PTPRB: variants seen among roughly 807,000 people sequenced by gnomAD.
The protein encoded by PTPRB is receptor-type tyrosine-protein phosphatase beta.
A neutral mutation model predicts 238.1 loss-of-function variants in PTPRB; 97 were observed. That is an observed-to-expected ratio of 0.41 (90% CI 0.35 to 0.48). The LOEUF (loss-of-function observed/expected upper bound fraction) is 0.48. PTPRB is among the 20% of genes least tolerant of loss of function. PTPRB has a pLI of 0.30. For synonymous variants in PTPRB, 970 were observed against 995.4 expected (o/e 0.97, Z 0.48); for missense variants, 2,292 against 2,681.9 (o/e 0.85, Z 3.21).
chr12:70,621,949 T>C (rs1884956650), intron 3 of PTPRB, among the ~76,000 whole-genome samples: 1 of 152,258 alleles, frequency 6.6e-6, no homozygotes, highest in Non-Finnish European at 1.5e-5. Flanking sequence ...CTTTTGTTTA[T>C]CTTTTAATGT....
intron 4 of PTPRB, among the ~76,000 whole-genome samples, chr12:70,607,552 T>TC (rs1884055269): frequency 6.7e-6 from 1 of 149,542 alleles, no homozygotes; most frequent in Non-Finnish European, 1.5e-5. Context: ...CCTTTTCTTT[T>TC]TTTTTTTTTT....
intron 15 of PTPRB, among the ~76,000 whole-genome samples, chr12:70,564,755 C>A (rs1205235607): frequency 6.6e-6 from 1 of 151,398 alleles, no homozygotes; most frequent in African/African-American, 2.4e-5. Flanking sequence ...ATTGTTTGAG[C>A]CCAGGAGGCA....
At chr12:70,540,589 C>T (rs959701496) in intron 23 of PTPRB, 27 of 357,642 alleles carry the variant, frequency 7.5e-5, no homozygotes, top group Non-Finnish European at 1.1e-4. Context: ...TATTTTTTTC[C>T]TGTGCAAAAG....
chr12:70,555,763 G>T, intron 19 of PTPRB, 107 bp downstream of exon 19: 1 of 1,371,598 alleles, frequency 7.3e-7, no homozygotes. Flanking sequence ...TTATGCAAAA[G>T]TGAAGTGTAT....
chr12:70,637,231 T>C, intron 1 of PTPRB, 110 bp downstream of exon 1: 2 of 919,434 alleles, frequency 2.2e-6, no homozygotes, highest in Admixed American at 2.6e-5. Context: ...TTGGCTAAAC[T>C]GCCATGGAGA....
At chr12:70,547,645 T>C (rs1876212496) in intron 21 of PTPRB, among the ~76,000 whole-genome samples, 2 of 151,646 alleles carry the variant, frequency 1.3e-5, no homozygotes, top group African/African-American at 4.9e-5. Context: ...TAGCTGGGAT[T>C]ACAAGTGCAC....
chr12:70,605,423 T>A (rs1004017382), intron 4 of PTPRB, among the ~76,000 whole-genome samples: 18 of 152,222 alleles, frequency 1.2e-4, no homozygotes, highest in African/African-American at 4.3e-4. Flanking sequence ...CATCCATCTA[T>A]CCATCCATTT....
intron 9 of PTPRB, among the ~76,000 whole-genome samples, chr12:70,585,857 T>C (rs1881855230): frequency 6.6e-6 from 1 of 151,856 alleles, no homozygotes; most frequent in South Asian, 2.1e-4. Flanking sequence ...CCAAGTGTTC[T>C]CATTGTTCAA....
chr12:70,548,346 T>TCTCA (rs1298500250), intron 21 of PTPRB, among the ~76,000 whole-genome samples: 6 of 97,102 alleles, frequency 6.2e-5, no homozygotes, highest in African/African-American at 1.1e-4. Flanking sequence ...TCTCTCTCTC[T>TCTCA]CACACACACA....
intron 18 of PTPRB, chr12:70,559,054 T>C: frequency 1.9e-6 from 1 of 524,866 alleles, no homozygotes. Context: ...ACCTAACAAG[T>C]GTCTCCATAG....
At chr12:70,623,918 T>C (rs937438774) in intron 2 of PTPRB, among the ~76,000 whole-genome samples, 2 of 152,104 alleles carry the variant, frequency 1.3e-5, no homozygotes, top group Non-Finnish European at 2.9e-5. Flanking sequence ...CGTATGATAA[T>C]GGATGTAAAG....
intron 8 of PTPRB, among the ~76,000 whole-genome samples, chr12:70,588,598 A>T (rs1742350110): frequency 6.6e-6 from 1 of 152,038 alleles, no homozygotes; most frequent in Admixed American, 6.6e-5. Flanking sequence ...ATGCCATTGC[A>T]CTCCAGCCTG....
intron 4 of PTPRB, among the ~76,000 whole-genome samples, chr12:70,597,914 T>C (rs1883169829): frequency 6.6e-6 from 1 of 152,250 alleles, no homozygotes; most frequent in South Asian, 2.1e-4. Flanking sequence ...AATGTTTCTA[T>C]GTTTTATGCT....
intron 33 of PTPRB, chr12:70,522,692 A>G (rs1871780537): frequency 7.2e-6 from 1 of 139,700 alleles, no homozygotes; most frequent in Admixed American, 7.2e-5. Context: ...ATTCTAGAAC[A>G]TTTATAAAAT....
Position 70,552,785 on chromosome 12 carries a change from A to G in PTPRB, c.5379T>C (p.Thr1793=), listed in dbSNP as rs1877087778. 2 of 1,613,852 alleles carry G rather than the reference A, an allele frequency of 1.2e-6. No homozygotes were observed. Among genetic ancestry groups the G allele is most frequent in the Non-Finnish European group, 1.7e-6 (2 of 1,179,870 alleles). ...GTGGTAATATATCTAACCTGTAGGC[A>G]GTGTGTGGCTTCAGTGGTCCATCAC... ...KFCDGPLKPH[T]AYRISIRAFT... Residue 1793 remains threonine, a synonymous_variant, in exon 21 of 34, where the codon ACT becomes ACC. Coordinates refer to ENST00000334414, the MANE Select transcript of PTPRB (RefSeq NM_001109754.4).
At chr12:70,590,847 C>T (rs1882419103) in intron 7 of PTPRB, among the ~76,000 whole-genome samples, 1 of 151,820 alleles carries the variant, frequency 6.6e-6, no homozygotes, top group Admixed American at 6.6e-5. Flanking sequence ...TATTTTGTCC[C>T]CTCCACCCCA....
intron 21 of PTPRB, among the ~76,000 whole-genome samples, chr12:70,546,274 G>C (rs1875964295): frequency 6.6e-6 from 1 of 152,192 alleles, no homozygotes; most frequent in South Asian, 2.1e-4. Context: ...CTGAGCAGGA[G>C]AGTTGCTGAG....
intron 3 of PTPRB, among the ~76,000 whole-genome samples, chr12:70,621,732 A>G (rs1399295618): frequency 6.6e-6 from 1 of 152,230 alleles, no homozygotes; most frequent in African/African-American, 2.4e-5. Context: ...GTGGAACCTT[A>G]GCTTTTTTGA....
chr12:70,526,532 A>C (rs182777268), intron 32 of PTPRB, among the ~76,000 whole-genome samples: 4 of 152,346 alleles, frequency 2.6e-5, no homozygotes, highest in Admixed American at 2.6e-4. Flanking sequence ...AAACAAATCA[A>C]TAAGAAGTGA....
Sources: gnomAD v4.1 joint callset for allele counts (sites outside exome capture counted in the v4.1 genomes callset) on GRCh38, gnomAD v4.1.1 for gene constraint, MANE v1.5 for transcripts, NCBI Gene and HGNC (gene_info 2026-07-23, HGNC 2026-07-21) for gene names.